The following CDH18 variants were observed in gnomAD, a reference collection of about 807,000 sequenced individuals.
CDH18 encodes the protein cadherin 18.
In CDH18, 31 loss-of-function variants were observed where a neutral mutation model predicts 67.9. The ratio of observed to expected loss-of-function variants is 0.46; its 90% CI spans 0.34 to 0.62. The LOEUF is 0.62. Among genes scored for constraint, CDH18 ranks in the 20% least tolerant of loss-of-function variants. The pLI is 0.01. For synonymous variants in CDH18, 362 were observed against 347.2 expected, an observed-to-expected ratio of 1.04 and a Z score of -0.48; for missense variants, 890 against 975.5, an observed-to-expected ratio of 0.91 and a Z score of 1.17.
chr5:19,530,448 T>C (rs548111595), intron 9 of CDH18, among the ~76,000 whole-genome samples: 11 of 152,328 alleles, frequency 7.2e-5, no homozygotes, highest in African/African-American at 2.6e-4. Context: ...TTATTATTAT[T>C]ATACTTTAAG....
In CDH18 at chr5:20,088,522, G is replaced by A. The variant is rs897388664; in HGVS notation, c.-517-96508C>T. On this transcript the variant is annotated intron_variant, in intron 2 of 14. Coordinates refer to the CDH18 transcript ENST00000507958. ...GACTAAGGAAGCATGTGGTCCTGGAGATTTCTGGCAGGCAACTTCTGTCCA... is the reference window on the plus strand; with the variant it reads ...GACTAAGGAAGCATGTGGTCCTGGAAATTTCTGGCAGGCAACTTCTGTCCA... Among the ~76,000 whole-genome samples the A allele has an allele frequency of 3.9e-5, 6 of 152,284 alleles. No individual in the cohort carries two copies. In the East Asian group the frequency reaches 1.2e-3, roughly 29 times the overall value.
intron 2 of CDH18, among the ~76,000 whole-genome samples, chr5:19,872,539 G>C (rs1786437730): frequency 6.6e-6 from 1 of 152,116 alleles, no homozygotes; most frequent in Non-Finnish European, 1.5e-5. Context: ...TGGCCTTGAA[G>C]ATGCAAGCTG....
intron 2 of CDH18, among the ~76,000 whole-genome samples, chr5:20,173,193 AG>A (rs1736976339): frequency 6.6e-6 from 1 of 152,162 alleles, no homozygotes; most frequent in Non-Finnish European, 1.5e-5. Flanking sequence ...TATCTAATGC[AG>A]GGGATAAACA....
chr5:19,688,066 A>T (rs1370387723), intron 5 of CDH18, among the ~76,000 whole-genome samples: 1 of 152,164 alleles, frequency 6.6e-6, no homozygotes, highest in East Asian at 1.9e-4. Flanking sequence ...CCCAGCTTAC[A>T]GCAGCCACCA....
intron 2 of CDH18, among the ~76,000 whole-genome samples, chr5:19,924,292 T>G (rs1185387723): frequency 1.3e-5 from 2 of 152,136 alleles, no homozygotes; most frequent in South Asian, 4.1e-4. Context: ...CACTCTCTAT[T>G]TTTTTAAGAT....
intron 1 of CDH18, among the ~76,000 whole-genome samples, chr5:20,526,797 G>A (rs574207568): frequency 4.6e-5 from 7 of 152,130 alleles, no homozygotes; most frequent in Admixed American, 2.6e-4. Context: ...CCACAAAGAC[G>A]AGGAAAAAAC....
At chr5:20,143,996 G>A (rs1258134542) in intron 2 of CDH18, among the ~76,000 whole-genome samples, 2 of 152,186 alleles carry the variant, frequency 1.3e-5, no homozygotes, top group African/African-American at 4.8e-5. Context: ...GAACCTCTGT[G>A]AATTGCATGG....
intron 1 of CDH18, among the ~76,000 whole-genome samples, chr5:20,296,774 T>C (rs916119208): frequency 7.2e-5 from 11 of 151,984 alleles, no homozygotes; most frequent in Admixed American, 5.2e-4. Context: ...GAACCTGATA[T>C]ATAATTCTAG....
chr5:20,474,170 G>C (rs993949143), intron 1 of CDH18, among the ~76,000 whole-genome samples: 1 of 152,046 alleles, frequency 6.6e-6, no homozygotes, highest in African/African-American at 2.4e-5. Flanking sequence ...CAGCTACTCG[G>C]GAGGCTGAGG....
At chr5:19,495,242 A>G (rs148712773) in intron 11 of CDH18, among the ~76,000 whole-genome samples, 1 of 152,298 alleles carries the variant, frequency 6.6e-6, no homozygotes, top group Non-Finnish European at 1.5e-5. Flanking sequence ...ATTCAAAGGA[A>G]TATCCAGGCA....
chr5:19,986,791 T>C (rs1799608034), intron 1 of CDH18, among the ~76,000 whole-genome samples: 1 of 152,178 alleles, frequency 6.6e-6, no homozygotes, highest in Non-Finnish European at 1.5e-5. Flanking sequence ...ATATGTAAGA[T>C]CTAGGCTGGA....
intron 1 of CDH18, among the ~76,000 whole-genome samples, chr5:19,987,425 C>A (rs184611496): frequency 2.8e-4 from 42 of 152,044 alleles, no homozygotes; most frequent in African/African-American, 9.9e-4. Context: ...TGTTGCTGAT[C>A]ACAGGAGCCT....
intron 5 of CDH18, among the ~76,000 whole-genome samples, chr5:19,703,773 C>T (rs1763595889): frequency 6.7e-6 from 1 of 148,916 alleles, no homozygotes; most frequent in South Asian, 2.1e-4. Context: ...TACATTTGAG[C>T]CTTTTCCTTT....
intron 2 of CDH18, among the ~76,000 whole-genome samples, chr5:20,017,238 AG>A (rs1171607772): frequency 1.3e-5 from 2 of 152,154 alleles, no homozygotes; most frequent in Admixed American, 1.3e-4. Flanking sequence ...GCTGAACAAG[AG>A]TCATTTTCTT....
chr5:19,634,499 A>G (rs1752836977), intron 5 of CDH18, among the ~76,000 whole-genome samples: 1 of 152,216 alleles, frequency 6.6e-6, no homozygotes. Context: ...AATGTAGTAT[A>G]TGCAAAGCAC....
At chr5:19,596,418 A>T (rs777332361) in intron 6 of CDH18, among the ~76,000 whole-genome samples, 7 of 152,198 alleles carry the variant, frequency 4.6e-5, no homozygotes, top group Non-Finnish European at 1.0e-4. Context: ...GACTAGAAGG[A>T]GTCAATTTTT....
At position 19,741,065 on chromosome 5, in the gene CDH18, G is replaced by T. The variant is rs983848026; in HGVS notation, c.523+5877C>A. ...ATTCTGTTCACATATGTTTACTGTT[G>T]AAATTATTTAGATAAATATGTATAG... On this transcript the variant is annotated intron_variant, in intron 4 of 12. Coordinates refer to ENST00000382275, the MANE Select transcript of CDH18 (RefSeq NM_004934.5). Among the ~76,000 whole-genome samples, 7 of 9,702 alleles carry T rather than the reference G, an allele frequency of 7.2e-4. No individual in the cohort carries two copies. The Non-Finnish European group carries it at 0.016, about 22-fold the overall frequency. The allele number at this position is 9,702 out of a possible 152,430, so 6.4% of individuals were successfully genotyped here.
At chr5:20,281,467 C>T (rs1746266496) in intron 1 of CDH18, among the ~76,000 whole-genome samples, 1 of 152,114 alleles carries the variant, frequency 6.6e-6, no homozygotes, top group South Asian at 2.1e-4. Flanking sequence ...AATAGGGAAT[C>T]CTTTCCCTAT....
At chr5:19,939,000 G>A (rs919003546) in intron 2 of CDH18, among the ~76,000 whole-genome samples, 1 of 150,728 alleles carries the variant, frequency 6.6e-6, no homozygotes, top group Non-Finnish European at 1.5e-5. Flanking sequence ...AAACTTCTAA[G>A]AAGTTCATAA....
Sources: gnomAD v4.1 joint callset for allele counts (sites outside exome capture counted in the v4.1 genomes callset) on GRCh38, gnomAD v4.1.1 for gene constraint, MANE v1.5 for transcripts, NCBI Gene and HGNC (gene_info 2026-07-23, HGNC 2026-07-21) for gene names.